The following PIK3C2G variants were observed in gnomAD, a reference collection of about 807,000 sequenced individuals.
PIK3C2G encodes phosphatidylinositol-4-phosphate 3-kinase catalytic subunit type 2 gamma.
PIK3C2G carries 168 observed loss-of-function variants against 181.1 expected under a neutral mutation model. That is an observed-to-expected ratio of 0.93 (90% CI 0.82 to 1.05). PIK3C2G has a LOEUF of 1.05. Among genes scored for constraint, PIK3C2G ranks in the 50% least tolerant of loss-of-function variants. The probability of loss-of-function intolerance (pLI) is 0.00; values close to 1 mark genes in which losing one functional copy is unlikely to be tolerated. For missense variants in PIK3C2G, 1,869 were observed against 1,732.8 expected, an observed-to-expected ratio of 1.08 and a Z score of -1.40; for synonymous variants, 573 against 592.2, an observed-to-expected ratio of 0.97 and a Z score of 0.47.
At chr12:18,595,241 A>G (rs1246406351) in intron 30 of PIK3C2G, among the ~76,000 whole-genome samples, 1 of 152,058 alleles carries the variant, frequency 6.6e-6, no homozygotes, top group African/African-American at 2.4e-5. Flanking sequence ...TTCTTTTGTC[A>G]CAGAACATTA....
At chr12:18,331,654 T>C (rs1191121547) in intron 8 of PIK3C2G, among the ~76,000 whole-genome samples, 1 of 152,086 alleles carries the variant, frequency 6.6e-6, no homozygotes, top group African/African-American at 2.4e-5. Context: ...TTTTTTTACT[T>C]GCCTGCCTTA....
the PIK3C2G span, chr12:18,684,291 A>C: frequency 6.3e-7 from 1 of 1,591,586 alleles, no homozygotes; most frequent in Non-Finnish European, 8.6e-7. Flanking sequence ...TGAAATATAA[A>C]AAAAGAAGAT....
intron 14 of PIK3C2G, among the ~76,000 whole-genome samples, chr12:18,385,222 C>T (rs913919676): frequency 3.3e-5 from 5 of 152,048 alleles, no homozygotes; most frequent in Admixed American, 6.5e-5. Context: ...TTCACTTTTC[C>T]GATTGTCCTC....
chr12:18,264,942 C>T (rs1948418003), intron 1 of PIK3C2G, among the ~76,000 whole-genome samples: 1 of 152,196 alleles, frequency 6.6e-6, no homozygotes, highest in South Asian at 2.1e-4. Flanking sequence ...GGCATCTGAA[C>T]ATTTGCTCAC....
At chr12:18,712,726 A>C in the PIK3C2G span, 5 of 1,296,918 alleles carry the variant, frequency 3.9e-6, no homozygotes, top group Non-Finnish European at 5.5e-6. Context: ...AATGGATCAT[A>C]ACCCACAATT....
intron 16 of PIK3C2G, among the ~76,000 whole-genome samples, chr12:18,405,332 G>A (rs2135588735): frequency 6.6e-6 from 1 of 152,270 alleles, no homozygotes; most frequent in South Asian, 2.1e-4. Context: ...CAAGTACTGT[G>A]TGTAGCTATA....
At chr12:18,669,980 T>C in the PIK3C2G span, among the ~76,000 whole-genome samples, 1 of 152,142 alleles carries the variant, frequency 6.6e-6, no homozygotes, top group Non-Finnish European at 1.5e-5. Context: ...CTTCCTCTTC[T>C]TATAAGGGCA....
chr12:18,363,120 AGGG>A, intron 12 of PIK3C2G: 1 of 322,250 alleles, frequency 3.1e-6, no homozygotes, highest in African/African-American at 2.2e-5. Context: ...ACTGAGAAAA[AGGG>A]AAATTGAAAA....
At chr12:18,446,332 T>C (rs1947026301) in intron 18 of PIK3C2G, among the ~76,000 whole-genome samples, 1 of 152,098 alleles carries the variant, frequency 6.6e-6, no homozygotes, top group Admixed American at 6.6e-5. Flanking sequence ...TTTGGTTGGA[T>C]AAGCCAATTG....
intron 11 of PIK3C2G, among the ~76,000 whole-genome samples, chr12:18,355,825 T>G (rs1940676371): frequency 6.6e-6 from 1 of 152,224 alleles, no homozygotes; most frequent in Non-Finnish European, 1.5e-5. Context: ...ATCTGATGGC[T>G]GGACTAAACA....
the PIK3C2G span, among the ~76,000 whole-genome samples, chr12:18,676,070 C>A: frequency 3.9e-5 from 6 of 152,002 alleles, no homozygotes; most frequent in Admixed American, 2.0e-4. Flanking sequence ...AGTCAATAGA[C>A]CTGTGTCTTT....
In PIK3C2G at chr12:18,318,518, G is replaced by A. The variant is rs1463888697; in HGVS notation, c.1138-2444G>A. Among the ~76,000 whole-genome samples, 4 of 151,588 alleles carry A rather than the reference G, an allele frequency of 2.6e-5. No homozygotes were observed. In the East Asian group the frequency reaches 5.8e-4, roughly 22 times the overall value. On this transcript the variant is annotated intron_variant, in intron 6 of 32. Coordinates refer to ENST00000538779, the MANE Select transcript of PIK3C2G (RefSeq NM_001288772.2). ...TGTCAAAATTCTCTGTGATTTTCAG[G>A]ATTTCAGCTGTAAGTAAAACATTTA... is the stretch of plus-strand genomic sequence containing the variant.
intron 5 of PIK3C2G, among the ~76,000 whole-genome samples, chr12:18,297,538 C>A (rs186770012): frequency 3.3e-4 from 50 of 151,900 alleles, no homozygotes; most frequent in African/African-American, 1.1e-3. Flanking sequence ...GTAGTAGGGA[C>A]ATTTCAAATC....
At chr12:18,476,526 AC>A (rs909078863) in intron 18 of PIK3C2G, among the ~76,000 whole-genome samples, 18 of 152,284 alleles carry the variant, frequency 1.2e-4, no homozygotes, top group African/African-American at 4.3e-4. Context: ...GAAAAAATTC[AC>A]AGGTAATGGG....
At chr12:18,498,557 C>A (rs1169657306) in intron 22 of PIK3C2G, among the ~76,000 whole-genome samples, 3 of 145,494 alleles carry the variant, frequency 2.1e-5, no homozygotes, top group African/African-American at 7.7e-5. Flanking sequence ...GGGATCTAGA[C>A]CATGTAGTCA....
chr12:18,507,276 G>A (rs936410259), intron 24 of PIK3C2G, among the ~76,000 whole-genome samples: 3 of 152,060 alleles, frequency 2.0e-5, no homozygotes, highest in Admixed American at 1.3e-4. Context: ...GTGATCTCCT[G>A]CCTCGGCCTC....
chr12:18,528,273 GTAT>G (rs2136206546), intron 24 of PIK3C2G, among the ~76,000 whole-genome samples: 1 of 152,200 alleles, frequency 6.6e-6, no homozygotes, highest in Admixed American at 6.6e-5. Context: ...ATCAAGAACA[GTAT>G]AAGCTTAAAC....
chr12:18,283,719 A>G (rs2137134630), intron 2 of PIK3C2G, among the ~76,000 whole-genome samples: 1 of 152,316 alleles, frequency 6.6e-6, no homozygotes, highest in East Asian at 1.9e-4. Flanking sequence ...AGCACCTCAA[A>G]GGATCTAAAT....
intron 1 of PIK3C2G, among the ~76,000 whole-genome samples, chr12:18,269,505 A>G (rs940379858): frequency 6.6e-6 from 1 of 152,148 alleles, no homozygotes; most frequent in Non-Finnish European, 1.5e-5. Context: ...TGTCCTGTAA[A>G]GTGACTACCA....
Sources: gnomAD v4.1 joint callset for allele counts (sites outside exome capture counted in the v4.1 genomes callset) on GRCh38, gnomAD v4.1.1 for gene constraint, MANE v1.5 for transcripts, NCBI Gene and HGNC (gene_info 2026-07-23, HGNC 2026-07-21) for gene names.